Variants in PTPRZ1 observed in about 807,000 individuals in gnomAD.
PTPRZ1 encodes the protein receptor-type tyrosine-protein phosphatase zeta.
PTPRZ1 carries 82 observed loss-of-function variants against 214.1 expected under a neutral mutation model. That is an observed-to-expected ratio of 0.38 (90% CI 0.32 to 0.46). The LOEUF (loss-of-function observed/expected upper bound fraction) is 0.46, where lower values mean the gene tolerates loss of function less well. Among genes scored for constraint, PTPRZ1 ranks in the 20% least tolerant of loss-of-function variants. The pLI is 1.00. For synonymous variants in PTPRZ1, 945 were observed against 987.9 expected (o/e 0.96, Z 0.81); for missense variants, 2,603 against 2,748.7 (o/e 0.95, Z 1.19).
chr7:122,052,908 T>G (rs1373896656), intron 25 of PTPRZ1, among the ~76,000 whole-genome samples: 4 of 152,148 alleles, frequency 2.6e-5, no homozygotes, highest in Admixed American at 2.0e-4. Context: ...GGTGTGTTTT[T>G]AATGAAACTG....
At chr7:121,940,638 G>A (rs1796211348) in intron 2 of PTPRZ1, among the ~76,000 whole-genome samples, 3 of 152,152 alleles carry the variant, frequency 2.0e-5, no homozygotes, top group Admixed American at 6.5e-5. Flanking sequence ...TATATACAAA[G>A]CAGTTAGAAT....
intron 1 of PTPRZ1, among the ~76,000 whole-genome samples, chr7:121,921,773 TG>T (rs1795604063): frequency 6.6e-6 from 1 of 152,148 alleles, no homozygotes; most frequent in Admixed American, 6.5e-5. Flanking sequence ...GGAAAACAAA[TG>T]GCTTGATATA....
chr7:122,057,966 GTGTA>G (rs3069221), intron 27 of PTPRZ1, among the ~76,000 whole-genome samples: 86,044 of 145,078 alleles, frequency 0.59, 26,442 homozygotes, highest in African/African-American at 0.8. Flanking sequence ...GTGTGTGTGT[GTGTA>G]TATATATACA....
intron 11 of PTPRZ1, among the ~76,000 whole-genome samples, chr7:122,006,208 A>C (rs934936975): frequency 6.6e-6 from 1 of 152,104 alleles, no homozygotes; most frequent in African/African-American, 2.4e-5. Context: ...AGTAGTTTGC[A>C]TATCCATTAT....
Position 122,011,107 on chromosome 7 carries a change from G to A in PTPRZ1, c.2061G>A (p.Glu687=), listed in dbSNP as rs751004070. ...NYTEIRVDES[E]KTTKSFSAGP... ...CTGAGATACGTGTTGATGAATCTGA[G>A]AAGACAACCAAGTCCTTTTCTGCAG... is the stretch of plus-strand genomic sequence containing the variant. The change falls in exon 12 of 30, where the codon GAG becomes GAA. Residue 687 remains glutamate, a synonymous_variant. Transcript: ENST00000393386. The A allele has an allele frequency of 1.7e-5, 27 of 1,613,978 alleles. No homozygotes were observed. The highest frequency in any genetic ancestry group is 2.2e-5 in the Non-Finnish European group (26 of 1,180,012).
In PTPRZ1 at chr7:121,976,194, G is replaced by A; in HGVS notation, c.478G>A (p.Ala160Thr). Residue 160 changes from alanine to threonine, a missense_variant, in exon 5 of 30, where the codon GCG (alanine) becomes ACG (threonine). Transcript: ENST00000393386. Reference protein sequence around the residue: ...PLEMQIYCFDADRFSSFEEAV... With the variant: ...PLEMQIYCFDTDRFSSFEEAV... ...ATAGATGCAAATCTACTGCTTTGAT[G>A]CGGACCGATTTTCAAGTTTTGAGGA... 6.2e-7 allele frequency: 1 copy of A among 1,608,966 alleles called. No homozygotes were observed. Among genetic ancestry groups the A allele is most frequent in the Non-Finnish European group, 8.5e-7 (1 of 1,176,708 alleles).
intron 1 of PTPRZ1, among the ~76,000 whole-genome samples, chr7:121,874,478 A>G (rs1027329376): frequency 1.3e-5 from 2 of 152,206 alleles, no homozygotes; most frequent in Admixed American, 6.5e-5. Flanking sequence ...TGAAAGTTAC[A>G]AAGTGTTGTA....
intron 1 of PTPRZ1, among the ~76,000 whole-genome samples, chr7:121,890,716 C>A (rs1794568785): frequency 6.6e-6 from 1 of 152,104 alleles, no homozygotes; most frequent in South Asian, 2.1e-4. Flanking sequence ...GTCACCCAGG[C>A]TGGAGTGCAG....
intron 23 of PTPRZ1, among the ~76,000 whole-genome samples, chr7:122,047,250 A>G (rs1375610213): frequency 6.6e-6 from 1 of 152,184 alleles, no homozygotes; most frequent in Non-Finnish European, 1.5e-5. Flanking sequence ...GATTTGAGGA[A>G]TTAAAGACAA....
rs760210879 is a variant in PTPRZ1 at position 122,040,982 on chromosome 7, G to A, written c.5801+3G>A. 3 of 1,530,242 alleles carry A rather than the reference G, an allele frequency of 2.0e-6. No individual in the cohort carries two copies. The Admixed American group carries it at 5.8e-5, about 30-fold the overall frequency. The allele number at this position is 1,530,242 out of a possible 1,614,324, so 94.8% of individuals were successfully genotyped here. ...GGGCCTGTTGTCGTCCACTGCAGGT[G>A]AGTCTCAGAGATGTGCCTCTAAACC... On this transcript the variant is annotated splice_donor_region_variant and intron_variant, in intron 21 of 29. Transcript: ENST00000393386.
intron 25 of PTPRZ1, among the ~76,000 whole-genome samples, chr7:122,052,889 A>G (rs1324503343): frequency 6.6e-6 from 1 of 152,168 alleles, no homozygotes; most frequent in East Asian, 1.9e-4. Flanking sequence ...TGGTAAGTCT[A>G]CAGCTAGAGG....
intron 8 of PTPRZ1, among the ~76,000 whole-genome samples, chr7:121,985,055 A>G (rs12154537): frequency 0.37 from 56,786 of 151,980 alleles, 12,393 homozygotes; most frequent in Middle Eastern, 0.52. Flanking sequence ...AAGATTAGGC[A>G]TTAAAACAAC....
intron 8 of PTPRZ1, among the ~76,000 whole-genome samples, chr7:121,994,542 G>A (rs1401233136): frequency 6.6e-6 from 1 of 152,074 alleles, no homozygotes; most frequent in Non-Finnish European, 1.5e-5. Flanking sequence ...ATCTTGAAGT[G>A]TATAGTTCAC....
At chr7:121,966,319 T>C (rs1386910765) in intron 2 of PTPRZ1, among the ~76,000 whole-genome samples, 1 of 152,242 alleles carries the variant, frequency 6.6e-6, no homozygotes, top group Admixed American at 6.5e-5. Flanking sequence ...GCACCACAAC[T>C]ATGTAACTCT....
chr7:121,932,669 GAACT>G (rs2116389861), intron 2 of PTPRZ1, among the ~76,000 whole-genome samples: 1 of 152,052 alleles, frequency 6.6e-6, no homozygotes, highest in Non-Finnish European at 1.5e-5. Flanking sequence ...GTCTGTAAAA[GAACT>G]AATAAGCCAT....
Position 122,011,205 on chromosome 7 carries a change from C to T in PTPRZ1, c.2159C>T (p.Pro720Leu). The T allele has an allele frequency of 6.2e-7, 1 of 1,614,132 alleles. No homozygotes were observed. The highest frequency in any genetic ancestry group is 8.5e-7 in the Non-Finnish European group (1 of 1,180,008). Residue 720 changes from proline (P) to leucine (L), a missense_variant, in exon 12 of 30, where the codon CCA (proline) becomes CTA (leucine). Pro to Leu is a moderately conservative substitution (Grantham distance 98, BLOSUM62 -3). This residue lies in a region of PTPRZ1 where 1,913 missense variants were observed against 1,914.3 expected (regional missense o/e 1.00). Coordinates refer to ENST00000393386, the MANE Select transcript of PTPRZ1 (RefSeq NM_002851.3). ...MPHYSTFAYFPTEVTPHAFTP... is the reference protein window; with the variant it reads ...MPHYSTFAYFLTEVTPHAFTP... ...CATTATTCTACCTTTGCCTACTTCC[C>T]AACTGAGGTAACACCTCATGCTTTT...
At chr7:121,952,876 A>G (rs965809167) in intron 2 of PTPRZ1, among the ~76,000 whole-genome samples, 2 of 152,224 alleles carry the variant, frequency 1.3e-5, no homozygotes, top group Admixed American at 1.3e-4. Context: ...AGAATTACTT[A>G]TACTAAAACA....
At chr7:122,060,899 G>A (rs528141630) in intron 29 of PTPRZ1, among the ~76,000 whole-genome samples, 181 bp from the exon 30 acceptor site, 3 of 152,262 alleles carry the variant, frequency 2.0e-5, no homozygotes, top group East Asian at 3.9e-4. Context: ...CGATTGCAAC[G>A]TTAATTTAAT....
intron 14 of PTPRZ1, among the ~76,000 whole-genome samples, chr7:122,029,140 TG>T (rs765154422): frequency 6.6e-6 from 1 of 151,766 alleles, no homozygotes; most frequent in African/African-American, 2.4e-5. Context: ...TCTATAAAAT[TG>T]TGGTGGTAAT....
Sources: allele counts gnomAD v4.1 joint callset (sites outside exome capture counted in the v4.1 genomes callset), GRCh38; gene constraint gnomAD v4.1.1; regional missense constraint gnomAD v4.1.1; transcripts MANE v1.5; gene names NCBI Gene and HGNC (gene_info 2026-07-23, HGNC 2026-07-21).